NOD2: variants seen among roughly 807,000 people sequenced by gnomAD.
NOD2 encodes the protein nucleotide binding oligomerization domain containing 2, also known as nucleotide-binding oligomerization domain-containing protein 2.
In NOD2, 86 loss-of-function variants were observed where a neutral mutation model predicts 90.9. The observed-to-expected ratio is 0.95, with a 90% CI of 0.79 to 1.13. The LOEUF (loss-of-function observed/expected upper bound fraction) is 1.13, where lower values mean the gene tolerates loss of function less well. Ranked by LOEUF, NOD2 falls within the 50% of genes most tolerant of loss-of-function variation. The pLI is 0.00. For missense variants in NOD2, 1,238 were observed against 1,283.8 expected, an observed-to-expected ratio of 0.96 and a Z score of 0.55; for synonymous variants, 581 against 554.6, an observed-to-expected ratio of 1.05 and a Z score of -0.67.
At chr16:50,730,205 GC>G (rs1256506635) in intron 11 of NOD2, among the ~76,000 whole-genome samples, 1 of 152,096 alleles carries the variant, frequency 6.6e-6, no homozygotes, top group East Asian at 1.9e-4. Context: ...GTCAGCTCCC[GC>G]CCTCCTAGAA....
intron 2 of NOD2, among the ~76,000 whole-genome samples, chr16:50,702,177 T>C (rs1431746370): frequency 6.6e-6 from 1 of 152,104 alleles, no homozygotes; most frequent in African/African-American, 2.4e-5. Context: ...CAAGTAATCC[T>C]CCTCCCTCGG....
intron 6 of NOD2, 117 bp downstream of exon 6, chr16:50,717,091 C>T: frequency 2.3e-6 from 2 of 857,550 alleles, no homozygotes; most frequent in South Asian, 1.3e-5. Flanking sequence ...TGATTGAATG[C>T]AGGGACAGTG....
At chr16:50,716,479 A>G in intron 4 of NOD2, 108 bp from the exon 5 acceptor site, 2 of 1,100,482 alleles carry the variant, frequency 1.8e-6, no homozygotes, top group Non-Finnish European at 2.7e-6. Flanking sequence ...TCCTGGAAGC[A>G]CAGATGCTGG....
In NOD2 at chr16:50,699,948, C is replaced by T; in HGVS notation, c.453C>T (p.Ser151=). ...DEIRLPIFTP[S]QRARRLLDLA... is the part of the protein sequence containing the mutation. ...TCAGGTTGCCGATCTTCACACCGTC[C>T]CAGAGGGTGAGGCACTCCTGGTGTG... The change falls in exon 2 of 12, where the codon TCC becomes TCT. Residue 151 remains serine (S), a synonymous_variant. Coordinates refer to ENST00000647318, the MANE Select transcript of NOD2 (RefSeq NM_001370466.1). The T allele has an allele frequency of 6.2e-7, 1 of 1,605,324 alleles. No homozygotes were observed. The highest frequency in any genetic ancestry group is 8.5e-7 in the Non-Finnish European group (1 of 1,179,592).
At chr16:50,705,139 C>T (rs1170994883) in intron 2 of NOD2, among the ~76,000 whole-genome samples, 2 of 152,140 alleles carry the variant, frequency 1.3e-5, no homozygotes, top group East Asian at 3.8e-4. Flanking sequence ...AGTCACAGCT[C>T]TATCTTTAAA....
At chr16:50,700,089 G>A in intron 2 of NOD2, 135 bp downstream of exon 2, 1 of 772,482 alleles carries the variant, frequency 1.3e-6, no homozygotes, top group Non-Finnish European at 2.2e-6. Context: ...TAGCCAGGCA[G>A]GTAAAATTTG....
intron 10 of NOD2, among the ~76,000 whole-genome samples, chr16:50,727,251 C>T (rs1965299960): frequency 6.6e-6 from 1 of 151,992 alleles, no homozygotes; most frequent in Admixed American, 6.6e-5. Context: ...GCCAGTTCTT[C>T]TTGGATGAGT....
At chr16:50,719,569 C>G (rs765834925) in intron 6 of NOD2, among the ~76,000 whole-genome samples, 2 of 152,192 alleles carry the variant, frequency 1.3e-5, no homozygotes, top group South Asian at 4.1e-4. Flanking sequence ...GCAGAGGGCA[C>G]GATGGGGTCT....
chr16:50,697,783 C>T (rs922564798), intron 1 of NOD2: 4 of 255,254 alleles, frequency 1.6e-5, no homozygotes, highest in African/African-American at 6.8e-5. Flanking sequence ...CTGACCAGCA[C>T]AGGGCCCCCT....
chr16:50,730,628 A>C (rs1235623430), intron 11 of NOD2, among the ~76,000 whole-genome samples: 1 of 152,172 alleles, frequency 6.6e-6, no homozygotes. Flanking sequence ...CCTATAGAAA[A>C]TCTATATCTC....
intron 1 of NOD2, among the ~76,000 whole-genome samples, chr16:50,695,125 G>C (rs372079118): frequency 2.0e-5 from 3 of 151,084 alleles, no homozygotes; most frequent in East Asian, 1.9e-4. Flanking sequence ...GGGTCTGGCA[G>C]GCCCATCTAG....
At chr16:50,698,598 G>T (rs543641122) in intron 1 of NOD2, among the ~76,000 whole-genome samples, 1 of 152,166 alleles carries the variant, frequency 6.6e-6, no homozygotes, top group Non-Finnish European at 1.5e-5. Context: ...CATGCATTCC[G>T]GAGTCATACA....
rs1264862631 is a variant in NOD2, at chr16:50,711,631, C to T, written c.1639C>T (p.Gln547Ter). 2 of 1,612,444 alleles carry T rather than the reference C, an allele frequency of 1.2e-6. No homozygotes were observed. The highest frequency in any genetic ancestry group is 1.7e-5 in the Admixed American group (1 of 60,024). ...CTCAGCCCAGCAGCTCCAGGCAGCA[C>T]AGGTCAGCCCTGATGACATTTCTCT... The part of the protein sequence containing the change: ...VFSAQQLQAA[Q>*]VSPDDISLGF... The change falls in exon 4 of 12, where the codon CAG (glutamine) becomes TAG (stop). Residue 547 changes from glutamine to a stop codon, truncating the protein, a stop_gained. Coordinates refer to ENST00000647318, the MANE Select transcript of NOD2 (RefSeq NM_001370466.1). LOFTEE classifies it high-confidence loss of function.
chr16:50,699,715 C>G lies in NOD2; in HGVS notation c.220C>G (p.Gln74Glu), dbSNP rs753619374. The change falls in exon 2 of 12, where the codon CAG becomes GAG. Residue 74 changes from glutamine to glutamate, a missense_variant. Gln to Glu is a conservative substitution (Grantham distance 29). Around this residue, in one of 3 missense-constraint regions of NOD2, gnomAD observed 567 missense variants for 577.3 expected, o/e 0.98. Coordinates refer to ENST00000647318, the MANE Select transcript of NOD2 (RefSeq NM_001370466.1). ...CTGGAATAAGGGTACTTGGGCCTGT[C>G]AGAAGCTCATCGCGGCTGCCCAAGA... The part of the protein sequence containing the change: ...TVWNKGTWAC[Q>E]KLIAAAQEAQ... The G allele has an allele frequency of 4.3e-6, 7 of 1,614,060 alleles. No homozygotes were observed. In the Admixed American group the frequency reaches 1.2e-4, roughly 27 times the overall value.
In NOD2 at chr16:50,731,603, C is replaced by A. The variant is rs1965455931; in HGVS notation, c.2970-144C>A. 3 of 692,692 alleles carry A rather than the reference C, an allele frequency of 4.3e-6. No homozygotes were observed. The Admixed American group carries it at 6.1e-5, about 14-fold the overall frequency. The allele number at this position is 692,692 out of a possible 1,614,324, so 42.9% of individuals were successfully genotyped here. ...CTGGTTGGCCAAGGGTAAAAACAGC[C>A]CTGACTTCCCTGCAAGAAACACTGC... On this transcript the variant is annotated intron_variant, in intron 11 of 11. Transcript: ENST00000647318.
In NOD2 at chr16:50,731,951, T is replaced by C; in HGVS notation, c.*132T>C. Reference sequence around the variant, plus strand: ...CCTGCCTAAGGCTGAACTTGTTTTCTGGGAACACCATAGGTCACCTTTATT... The same window carrying C: ...CCTGCCTAAGGCTGAACTTGTTTTCCGGGAACACCATAGGTCACCTTTATT... On this transcript the variant is annotated 3_prime_UTR_variant, in exon 12 of 12. Coordinates refer to ENST00000647318, the MANE Select transcript of NOD2 (RefSeq NM_001370466.1). 1.4e-6 allele frequency: 1 copy of C among 726,260 alleles called. No homozygotes were observed. Among genetic ancestry groups the C allele is most frequent in the Non-Finnish European group, 2.5e-6 (1 of 401,174 alleles). 45.0% of individuals were successfully genotyped at this position (726,260 alleles called of 1,614,324 possible).
At position 50,731,762 on chromosome 16, in the gene NOD2, T is replaced by C. The variant is rs1567408777; in HGVS notation, c.2985T>C (p.Thr995=). The change falls in exon 12 of 12, where the codon ACT becomes ACC. Residue 995 remains threonine, a synonymous_variant. Transcript: ENST00000647318. Reference sequence around the variant, plus strand: ...TCTGCTTTAGGCTCCGAGGGAACACTTTCTCTCTAGAGGAGGTTGACAAGC... The same window carrying C: ...TCTGCTTTAGGCTCCGAGGGAACACCTTCTCTCTAGAGGAGGTTGACAAGC... ...TILEVWLRGN[T]FSLEEVDKLG... is the part of the protein sequence containing the mutation. 3.1e-6 allele frequency: 5 copies of C among 1,613,160 alleles called. No individual in the cohort carries two copies. The highest frequency in any genetic ancestry group is 1.7e-5 in the Admixed American group (1 of 59,998).
At chr16:50,725,662 G>A (rs1567405497) in intron 10 of NOD2, 90 bp downstream of exon 10, 7 of 989,304 alleles carry the variant, frequency 7.1e-6, no homozygotes, top group Non-Finnish European at 9.7e-6. Flanking sequence ...TCTCCGCTGG[G>A]CTAACTCATG....
At chr16:50,710,100 G>A in intron 3 of NOD2, 1 of 446,120 alleles carries the variant, frequency 2.2e-6, no homozygotes, top group South Asian at 1.6e-5. Context: ...GCTGAGTGGT[G>A]AAGGGATTTA....
Sources: allele counts gnomAD v4.1 joint callset (sites outside exome capture counted in the v4.1 genomes callset), GRCh38; gene constraint gnomAD v4.1.1; regional missense constraint gnomAD v4.1.1; transcripts MANE v1.5; gene names NCBI Gene and HGNC (gene_info 2026-07-23, HGNC 2026-07-21).